The following TTC16 variants were observed in gnomAD, a reference collection of about 807,000 sequenced individuals.
TTC16 encodes tetratricopeptide repeat protein 16.
In TTC16, 66 loss-of-function variants were observed where a neutral mutation model predicts 80.4. The ratio of observed to expected loss-of-function variants is 0.82; its 90% CI spans 0.67 to 1.01. The LOEUF (loss-of-function observed/expected upper bound fraction) is 1.01, where lower values mean the gene tolerates loss of function less well. TTC16 is among the 50% of genes least tolerant of loss of function. The probability of loss-of-function intolerance (pLI) is 0.00; values close to 1 mark genes in which losing one functional copy is unlikely to be tolerated. For missense variants in TTC16, 1,070 were observed against 1,103.2 expected, an observed-to-expected ratio of 0.97 and a Z score of 0.43; for synonymous variants, 438 against 451.3, an observed-to-expected ratio of 0.97 and a Z score of 0.37.
rs1236024981 is a variant in TTC16, at chr9:127,720,195, G to A, written c.527+17G>A. ...TTACCGATGGTGAGTGCCCCTGCCA[G>A]CCCCTTCTCCCAGCACCCACTTCCT... is the stretch of plus-strand genomic sequence containing the variant. On this transcript the variant is annotated intron_variant, in intron 5 of 13. Coordinates refer to ENST00000373289, the MANE Select transcript of TTC16 (RefSeq NM_144965.3). The A allele has an allele frequency of 1.9e-6, 3 of 1,613,608 alleles. No individual in the cohort carries two copies. The highest frequency in any genetic ancestry group is 2.5e-6 in the Non-Finnish European group (3 of 1,179,986).
At chr9:127,717,518 A>C in intron 3 of TTC16, 94 bp downstream of exon 3, 30 of 1,572,218 alleles carry the variant, frequency 1.9e-5, no homozygotes, top group Non-Finnish European at 2.6e-5. Context: ...CAGGGCCACC[A>C]AGTCCCTGAT....
In TTC16 at chr9:127,731,238, G is replaced by C. The variant is rs780269705; in HGVS notation, c.2455G>C (p.Glu819Gln). The C allele has an allele frequency of 1.9e-6, 3 of 1,612,720 alleles. No homozygotes were observed. The highest frequency in any genetic ancestry group is 1.7e-6 in the Non-Finnish European group (2 of 1,179,832). The change falls in exon 14 of 14, where the codon GAG (glutamate) becomes CAG (glutamine). Residue 819 changes from glutamate (E) to glutamine (Q), a missense_variant. Coordinates refer to ENST00000373289, the MANE Select transcript of TTC16 (RefSeq NM_144965.3). The stretch of plus-strand genomic sequence containing the variant: ...CTCAAACTGGAGCCTCAGCAAAACT[G>C]AGTATGCCCAAGGCCAGGGCCAGAG... ...YDSNWSLSKT[E>Q]YAQGQGQRSS...
intron 7 of TTC16, among the ~76,000 whole-genome samples, chr9:127,723,722 C>G (rs1843677711): frequency 6.6e-6 from 1 of 152,198 alleles, no homozygotes; most frequent in African/African-American, 2.4e-5. Flanking sequence ...CCCAGCCAAT[C>G]TCTCCCTATG....
chr9:127,717,150 T>G, intron 2 of TTC16, 134 bp downstream of exon 2: 1 of 1,321,490 alleles, frequency 7.6e-7, no homozygotes, highest in Non-Finnish European at 1.1e-6. Context: ...TCCACCTCAG[T>G]GGGAACGAGG....
chr9:127,717,450 A>G, intron 3 of TTC16, 26 bp downstream of exon 3: 1 of 1,601,190 alleles, frequency 6.2e-7, no homozygotes, highest in Non-Finnish European at 8.5e-7. Context: ...GGGTGGGCAC[A>G]GGCAGTTGCT....
rs775964633 is a variant in TTC16 at position 127,731,156 on chromosome 9, C to T, written c.2373C>T (p.Thr791=). Reference sequence around the variant, plus strand: ...GGAGACCCAGCAAGGTTGATGCCACCCAGGGCCGAAGCAGGGGACTGCTCC... The same window carrying T: ...GGAGACCCAGCAAGGTTGATGCCACTCAGGGCCGAAGCAGGGGACTGCTCC... ...RSWRPSKVDA[T]QGRSRGLLRS... Residue 791 remains threonine, a synonymous_variant, in exon 14 of 14, where the codon ACC becomes ACT. Coordinates refer to ENST00000373289, the MANE Select transcript of TTC16 (RefSeq NM_144965.3). 3.1e-6 allele frequency: 5 copies of T among 1,612,294 alleles called. No individual in the cohort carries two copies. In the Admixed American group the frequency reaches 8.4e-5, roughly 27 times the overall value.
Position 127,731,030 on chromosome 9 carries a change from T to G in TTC16, c.2247T>G (p.Ile749Met), listed in dbSNP as rs143577589. The G allele has an allele frequency of 2.2e-5, 36 of 1,607,400 alleles. No homozygotes were observed. In the African/African-American group the frequency reaches 4.4e-4, roughly 20 times the overall value. The part of the protein sequence containing the change: ...TQGQRQSSSE[I>M]EATQGPRQEP... Reference sequence around the variant, plus strand: ...GCCAGAGGCAGAGCTCCAGCGAGATTGAGGCCACCCAGGGCCCAAGGCAGG... The same window carrying G: ...GCCAGAGGCAGAGCTCCAGCGAGATGGAGGCCACCCAGGGCCCAAGGCAGG... The change falls in exon 14 of 14, where the codon ATT (isoleucine) becomes ATG (methionine). Residue 749 changes from isoleucine to methionine, a missense_variant. Physicochemically the swap from Ile to Met is conservative, Grantham distance 10. Coordinates refer to ENST00000373289, the MANE Select transcript of TTC16 (RefSeq NM_144965.3).
chr9:127,729,092 C>T (rs1844191435), intron 12 of TTC16: 1 of 153,992 alleles, frequency 6.5e-6, no homozygotes, highest in South Asian at 2.0e-4. Context: ...GGCCTCTCTG[C>T]TTCTTAGCCG....
intron 13 of TTC16, 101 bp downstream of exon 13, chr9:127,729,769 C>G (rs1212607734): frequency 1.9e-6 from 2 of 1,059,636 alleles, no homozygotes; most frequent in Non-Finnish European, 2.8e-6. Context: ...CGTTCGGCCC[C>G]GCTGCTGACA....
intron 7 of TTC16, among the ~76,000 whole-genome samples, chr9:127,723,787 G>A (rs1843681504): frequency 6.6e-6 from 1 of 152,196 alleles, no homozygotes; most frequent in Non-Finnish European, 1.5e-5. Context: ...AGAGGCCACT[G>A]TGATTTCGGG....
Position 127,731,341 on chromosome 9 carries a change from GA to G in TTC16, c.2559del (p.Ser855AlafsTer53). 1 of 1,613,010 alleles carries G rather than the reference GA, an allele frequency of 6.2e-7. No individual in the cohort carries two copies. The highest frequency in any genetic ancestry group is 8.5e-7 in the Non-Finnish European group (1 of 1,180,042). On this transcript the variant is annotated frameshift_variant, in exon 14 of 14. Coordinates refer to ENST00000373289, the MANE Select transcript of TTC16 (RefSeq NM_144965.3). LOFTEE classifies it low-confidence loss of function (END_TRUNC). ...STSSKAESTW[G>X]PSPSLSKTEV... The stretch of plus-strand genomic sequence containing the variant: ...TCCAGCAAGGCCGAGTCCACCTGGG[GA>G]CCCAGCCCAAGTCTCAGCAAAACTG...
rs779127334 is a variant in TTC16 at position 127,727,414 on chromosome 9, A to T, written c.1713A>T (p.Gly571=). 6.8e-6 allele frequency: 11 copies of T among 1,609,556 alleles called. No homozygotes were observed. Among genetic ancestry groups the T allele is most frequent in the Non-Finnish European group, 9.3e-6 (11 of 1,178,622 alleles). ...IPQVKPGSSE[G]EAEAPEEEEE... ...AGGTAAAACCGGGAAGCTCAGAGGG[A>T]GAGGCTGAGGCCCCTGAGGAGGAGG... The change falls in exon 12 of 14, where the codon GGA becomes GGT. Residue 571 remains glycine, a synonymous_variant. Transcript: ENST00000373289.
At position 127,724,339 on chromosome 9, in the gene TTC16, G is replaced by GA; in HGVS notation, c.1095dup (p.Gly366ArgfsTer129). 6.3e-7 allele frequency: 1 copy of GA among 1,589,890 alleles called. No individual in the cohort carries two copies. On this transcript the variant is annotated frameshift_variant, in exon 8 of 14. Coordinates refer to ENST00000373289, the MANE Select transcript of TTC16 (RefSeq NM_144965.3). LOFTEE classifies it high-confidence loss of function. ...AGGCCCTCCGGGACGAGCAGCAGGA[G>GA]AAAGGACTCTACATCAACCGAGGCG...
In TTC16 at chr9:127,727,090, G is replaced by A. The variant is rs753141132; in HGVS notation, c.1546G>A (p.Gly516Ser). 22 of 1,607,638 alleles carry A rather than the reference G, an allele frequency of 1.4e-5. No homozygotes were observed. The Admixed American group carries it at 1.5e-4, about 11-fold the overall frequency. The change falls in exon 11 of 14, where the codon GGC becomes AGC. Residue 516 changes from glycine (G) to serine (S), a missense_variant. Coordinates refer to ENST00000373289, the MANE Select transcript of TTC16 (RefSeq NM_144965.3). ...GATGGTGGAGGGCAGCCTGCAGGCCGGCAGCCCACAAGGCATTGTGGGGTA... is the reference window on the plus strand; with the variant it reads ...GATGGTGGAGGGCAGCCTGCAGGCCAGCAGCCCACAAGGCATTGTGGGGTA... ...EQMVEGSLQA[G>S]SPQGIVGMLK...
intron 9 of TTC16, 82 bp from the exon 10 acceptor site, chr9:127,726,157 C>T: frequency 1.5e-6 from 2 of 1,316,328 alleles, no homozygotes; most frequent in Non-Finnish European, 2.0e-6. Context: ...TTCCCTCTAA[C>T]TCCTCAGTGG....
rs779200375 is a variant in TTC16 at position 127,724,113 on chromosome 9, C to CA, written c.873-7_873-6insA. On this transcript the variant is annotated splice_polypyrimidine_tract_variant and splice_region_variant and intron_variant, in intron 7 of 13. Transcript: ENST00000373289. ...CCTCCTGCCGTCTCCCACGCCCCCC[C>CA]CGACAGGGGCACCATGTACCGACGG... 16 of 1,599,852 alleles carry CA rather than the reference C, an allele frequency of 1.0e-5. No individual in the cohort carries two copies. The highest frequency in any genetic ancestry group is 1.3e-5 in the African/African-American group (1 of 74,830).
chr9:127,723,211 G>A lies in TTC16; in HGVS notation c.750G>A (p.Gln250=). Residue 250 remains glutamine, a synonymous_variant, in exon 7 of 14, where the codon CAG becomes CAA. Coordinates refer to ENST00000373289, the MANE Select transcript of TTC16 (RefSeq NM_144965.3). ...ARMLLQKMVA[Q]AQQARQDAGI... ...TGCTGCTCCAGAAGATGGTGGCCCA[G>A]GCCCAGCAGGCGCGCCAAGATGCGG... The A allele has an allele frequency of 6.2e-7, 1 of 1,612,846 alleles. No individual in the cohort carries two copies. Among genetic ancestry groups the A allele is most frequent in the Non-Finnish European group, 8.5e-7 (1 of 1,180,036 alleles).
chr9:127,717,607 G>A, intron 3 of TTC16, 22 bp from the exon 4 acceptor site: 1 of 1,611,594 alleles, frequency 6.2e-7, no homozygotes, highest in Non-Finnish European at 8.5e-7. Flanking sequence ...GGATCTAGCA[G>A]CCTGGGTCCC....
At chr9:127,716,708 C>A in intron 1 of TTC16, 136 bp from the exon 2 acceptor site, 1 of 1,191,896 alleles carries the variant, frequency 8.4e-7, no homozygotes, top group Non-Finnish European at 1.1e-6. Context: ...GGAGCGCCAC[C>A]GGAACCCCGA....
Sources: gnomAD v4.1 joint callset for allele counts (sites outside exome capture counted in the v4.1 genomes callset) on GRCh38, gnomAD v4.1.1 for gene constraint, MANE v1.5 for transcripts, NCBI Gene and HGNC (gene_info 2026-07-23, HGNC 2026-07-21) for gene names.